RNFT2: variants seen among roughly 807,000 people sequenced by gnomAD.
RNFT2 encodes ring finger protein, transmembrane 2.
RNFT2 carries 36 observed loss-of-function variants against 53.0 expected under a neutral mutation model. The observed-to-expected ratio is 0.68, with a 90% CI of 0.52 to 0.90. The LOEUF (loss-of-function observed/expected upper bound fraction) is 0.90, where lower values mean the gene tolerates loss of function less well. Ranked by LOEUF, RNFT2 falls within the 40% of genes least tolerant of loss-of-function variation. The pLI is 0.00. For synonymous variants in RNFT2, 260 were observed against 253.2 expected, an observed-to-expected ratio of 1.03 and a Z score of -0.26; for missense variants, 514 against 585.6, an observed-to-expected ratio of 0.88 and a Z score of 1.26.
At chr12:116,818,302 G>A (rs999570050) in intron 7 of RNFT2, among the ~76,000 whole-genome samples, 1 of 142,468 alleles carries the variant, frequency 7.0e-6, no homozygotes, top group African/African-American at 2.7e-5. Flanking sequence ...CAGCCTGGGT[G>A]ACAGTGAGGC....
chr12:116,783,076 T>C (rs1873785227), intron 7 of RNFT2, among the ~76,000 whole-genome samples: 1 of 152,174 alleles, frequency 6.6e-6, no homozygotes, highest in African/African-American at 2.4e-5. Flanking sequence ...TGCTTTTAAA[T>C]CACTACTATG....
intron 8 of RNFT2, 71 bp downstream of exon 8, chr12:116,834,012 C>T (rs1346064257): frequency 2.2e-6 from 3 of 1,372,794 alleles, no homozygotes; most frequent in Admixed American, 3.2e-5. Flanking sequence ...TCAGGGGGCT[C>T]CTGGGCAACC....
rs191130336 is a variant in RNFT2 at position 116,834,019 on chromosome 12, A to C, written c.1032+78A>C. On this transcript the variant is annotated intron_variant, in intron 8 of 10. Transcript: ENST00000257575. ...GTCAGGCCTCAGGGGGCTCCTGGGC[A>C]ACCTAGAATACCCATGCTGATTTAT... 155 of 1,290,136 alleles carry C rather than the reference A, an allele frequency of 1.2e-4. No homozygotes were observed. The East Asian group carries it at 3.8e-3, about 32-fold the overall frequency. 79.9% of individuals were successfully genotyped at this position (1,290,136 alleles called of 1,614,324 possible).
intron 7 of RNFT2, among the ~76,000 whole-genome samples, chr12:116,830,524 G>A (rs558592803): frequency 2.0e-5 from 3 of 152,220 alleles, no homozygotes; most frequent in Non-Finnish European, 2.9e-5. Context: ...CTGGGCTCAA[G>A]GGATCCTCCC....
At chr12:116,774,307 G>T (rs1475671459) in intron 6 of RNFT2, among the ~76,000 whole-genome samples, 1 of 152,134 alleles carries the variant, frequency 6.6e-6, no homozygotes, top group Non-Finnish European at 1.5e-5. Context: ...TTTATGTTAT[G>T]TGTGTTTTAC....
At chr12:116,748,507 C>G (rs1440155147) in intron 3 of RNFT2, among the ~76,000 whole-genome samples, 4 of 152,186 alleles carry the variant, frequency 2.6e-5, no homozygotes, top group African/African-American at 9.7e-5. Context: ...ACCCCCACCC[C>G]CAGAAATTCT....
chr12:116,760,343 C>T (rs1872649534), intron 5 of RNFT2, among the ~76,000 whole-genome samples: 1 of 152,186 alleles, frequency 6.6e-6, no homozygotes, highest in Non-Finnish European at 1.5e-5. Context: ...GATTTGCACC[C>T]TCCCCTGAGT....
intron 7 of RNFT2, among the ~76,000 whole-genome samples, chr12:116,815,780 C>A (rs904811342): frequency 6.6e-6 from 1 of 152,154 alleles, no homozygotes; most frequent in African/African-American, 2.4e-5. Flanking sequence ...ATTATTCAGC[C>A]TTCCATATCC....
intron 6 of RNFT2, among the ~76,000 whole-genome samples, chr12:116,777,505 C>T (rs373103209): frequency 6.6e-6 from 1 of 152,180 alleles, no homozygotes; most frequent in Admixed American, 6.5e-5. Context: ...GATAGGTTTA[C>T]ACTACTCAGC....
chr12:116,852,783 C>A lies in RNFT2; in HGVS notation c.*3335C>A. Reference sequence around the variant, plus strand: ...CAAACTCTTTATTACTTTGGGAAGTCACTCAGCCTCCCTGTAGCCATCTCC... The same window carrying A: ...CAAACTCTTTATTACTTTGGGAAGTAACTCAGCCTCCCTGTAGCCATCTCC... On this transcript the variant is annotated 3_prime_UTR_variant, in exon 11 of 11. Transcript: ENST00000257575. The A allele has an allele frequency of 6.6e-7, 1 of 1,510,958 alleles. No individual in the cohort carries two copies. Among genetic ancestry groups the A allele is most frequent in the Non-Finnish European group, 9.2e-7 (1 of 1,086,888 alleles). The allele number at this position is 1,510,958 out of a possible 1,614,324, so 93.6% of individuals were successfully genotyped here. A position where few individuals can be genotyped will look rare whatever the true frequency, so the allele number is the denominator to read the frequency against.
intron 7 of RNFT2, among the ~76,000 whole-genome samples, chr12:116,808,814 T>C (rs1169490367): frequency 6.6e-6 from 1 of 152,140 alleles, no homozygotes; most frequent in Non-Finnish European, 1.5e-5. Context: ...TAGCTGCTAT[T>C]GAAATTCTTG....
chr12:116,838,740 A>G (rs561753467), intron 10 of RNFT2, among the ~76,000 whole-genome samples: 16 of 152,328 alleles, frequency 1.1e-4, no homozygotes, highest in Admixed American at 5.2e-4. Flanking sequence ...AAGTCTGACA[A>G]GCTCTCTAAG....
chr12:116,800,342 CA>C (rs1166634909), intron 7 of RNFT2, among the ~76,000 whole-genome samples: 1 of 151,718 alleles, frequency 6.6e-6, no homozygotes, highest in Non-Finnish European at 1.5e-5. Flanking sequence ...ACTAAAAATA[CA>C]AAAAATTGGC....
At chr12:116,778,029 G>A (rs931676814) in intron 6 of RNFT2, among the ~76,000 whole-genome samples, 26 of 152,086 alleles carry the variant, frequency 1.7e-4, no homozygotes, top group South Asian at 2.1e-4. Flanking sequence ...CACAGTTCCC[G>A]GCACATCAGC....
chr12:116,846,242 G>T (rs1171106785), intron 10 of RNFT2, among the ~76,000 whole-genome samples: 3 of 151,998 alleles, frequency 2.0e-5, no homozygotes, highest in Non-Finnish European at 2.9e-5. Flanking sequence ...CTTACTATTT[G>T]CCAGTCATTA....
chr12:116,822,491 A>T (rs568017527), intron 7 of RNFT2, among the ~76,000 whole-genome samples: 6 of 152,012 alleles, frequency 3.9e-5, no homozygotes, highest in Non-Finnish European at 8.8e-5. Context: ...CTGTGCCTCC[A>T]TTTCCTTATC....
chr12:116,839,608 G>A (rs925663942), intron 10 of RNFT2, among the ~76,000 whole-genome samples: 2 of 151,918 alleles, frequency 1.3e-5, no homozygotes, highest in Admixed American at 6.6e-5. Context: ...ACAGATGGAC[G>A]GATGGATGGA....
chr12:116,822,666 CAG>C (rs1230893047), intron 7 of RNFT2, among the ~76,000 whole-genome samples: 1 of 152,094 alleles, frequency 6.6e-6, no homozygotes, highest in Non-Finnish European at 1.5e-5. Flanking sequence ...ACACAAGAAA[CAG>C]AGACATCTGA....
rs1017089315 is a variant in RNFT2, at chr12:116,850,323, T to C, written c.*875T>C. On this transcript the variant is annotated 3_prime_UTR_variant, in exon 11 of 11. Transcript: ENST00000257575. ...GTGTGTGCCACCAGGCCTGGCTAAT[T>C]TTTTTTTTTTTTTAATTTTTAGTAG... 1 of 2,642 alleles carries C rather than the reference T, an allele frequency of 3.8e-4. No individual in the cohort carries two copies. Among genetic ancestry groups the C allele is most frequent in the Non-Finnish European group, 1.8e-3 (1 of 564 alleles). The allele number at this position is 2,642 out of a possible 1,614,324, so 0.2% of individuals were successfully genotyped here. A position where few individuals can be genotyped will look rare whatever the true frequency, so the allele number is the denominator to read the frequency against.
Sources: allele counts gnomAD v4.1 joint callset (sites outside exome capture counted in the v4.1 genomes callset), GRCh38; gene constraint gnomAD v4.1.1; transcripts MANE v1.5; gene names NCBI Gene and HGNC (gene_info 2026-07-23, HGNC 2026-07-21).